SPIDR: variants seen among roughly 807,000 people sequenced by gnomAD.
SPIDR encodes the protein scaffold protein involved in DNA repair.
Under a neutral mutation model 104.6 loss-of-function variants are expected in SPIDR, and 93 were observed. That is an observed-to-expected ratio of 0.89 (90% CI 0.75 to 1.06). The LOEUF (loss-of-function observed/expected upper bound fraction) is 1.06, where lower values mean the gene tolerates loss of function less well. Among genes scored for constraint, SPIDR ranks in the 50% least tolerant of loss-of-function variants. SPIDR has a pLI of 0.00. For missense variants in SPIDR, 1,154 were observed against 1,111.2 expected (o/e 1.04, Z -0.55); for synonymous variants, 431 against 416.9 (o/e 1.03, Z -0.41).
At chr8:47,544,139 G>C (rs1259374593) in intron 8 of SPIDR, among the ~76,000 whole-genome samples, 1 of 151,898 alleles carries the variant, frequency 6.6e-6, no homozygotes, top group Non-Finnish European at 1.5e-5. Flanking sequence ...TTTTTATTTT[G>C]CATGCTAATG....
In SPIDR at chr8:47,417,496, T is replaced by G. The variant is rs1192194016; in HGVS notation, c.877+9535T>G. On this transcript the variant is annotated intron_variant, in intron 7 of 19. Coordinates refer to ENST00000297423, the MANE Select transcript of SPIDR (RefSeq NM_001080394.4). ...GTTGTTTTTTTCTTGTAAATTTGTT[T>G]GAGTTCATTGTAGATTCTGGATATT... is the stretch of plus-strand genomic sequence containing the variant. Among the ~76,000 whole-genome samples the G allele has an allele frequency of 9.8e-5, 15 of 152,350 alleles. No homozygotes were observed. The East Asian group carries it at 2.9e-3, about 29-fold the overall frequency.
At chr8:47,451,023 C>G (rs147674479) in intron 8 of SPIDR, among the ~76,000 whole-genome samples, 82 of 152,182 alleles carry the variant, frequency 5.4e-4, no homozygotes, top group African/African-American at 1.9e-3. Context: ...AACACACAAA[C>G]AGGAAAATAT....
intron 8 of SPIDR, among the ~76,000 whole-genome samples, chr8:47,473,696 C>T (rs2075979727): frequency 6.6e-6 from 1 of 152,102 alleles, no homozygotes; most frequent in Admixed American, 6.6e-5. Flanking sequence ...GGAGTGCAGG[C>T]AAGTATGATT....
chr8:47,496,091 A>G (rs1449479140), intron 8 of SPIDR, among the ~76,000 whole-genome samples: 1 of 152,130 alleles, frequency 6.6e-6, no homozygotes, highest in Non-Finnish European at 1.5e-5. Context: ...TACTCATAAC[A>G]GTTTTTTTAA....
Position 47,573,413 on chromosome 8 carries a change from G to T in SPIDR, c.1098-22398G>T, listed in dbSNP as rs1172600945. Among the ~76,000 whole-genome samples the T allele has an allele frequency of 5.3e-5, 8 of 152,228 alleles. No homozygotes were observed. In the East Asian group the frequency reaches 1.2e-3, roughly 22 times the overall value. ...TCAGTAGTCCTCTGTGATAAGGCAGGAAGGTCAGAGTATATTGAGGGGTCT... is the reference window on the plus strand; with the variant it reads ...TCAGTAGTCCTCTGTGATAAGGCAGTAAGGTCAGAGTATATTGAGGGGTCT... On this transcript the variant is annotated intron_variant, in intron 8 of 19. Transcript: ENST00000297423.
intron 5 of SPIDR, among the ~76,000 whole-genome samples, chr8:47,327,370 A>G (rs1254616926): frequency 1.4e-5 from 2 of 147,788 alleles, no homozygotes; most frequent in Non-Finnish European, 3.0e-5. Flanking sequence ...GTTTTCTCAT[A>G]TTCAGTAGGT....
chr8:47,291,855 G>A lies in SPIDR; in HGVS notation c.361+718G>A, dbSNP rs906864500. Among the ~76,000 whole-genome samples the A allele has an allele frequency of 2.3e-4, 35 of 152,272 alleles. No individual in the cohort carries two copies. In the East Asian group the frequency reaches 5.4e-3, roughly 24 times the overall value. On this transcript the variant is annotated intron_variant, in intron 4 of 19. Coordinates refer to ENST00000297423, the MANE Select transcript of SPIDR (RefSeq NM_001080394.4). ...ACTGACAAATTTCTATTCAGATGGC[G>A]TTTTATATTGTGTCATGTTTTAGAC...
chr8:47,425,030 G>A (rs12546824), intron 7 of SPIDR, among the ~76,000 whole-genome samples: 41 of 152,226 alleles, frequency 2.7e-4, no homozygotes, highest in Non-Finnish European at 4.3e-4. Flanking sequence ...GATCACTTCC[G>A]TTAGCTAATT....
intron 8 of SPIDR, among the ~76,000 whole-genome samples, chr8:47,455,370 G>A (rs28897086): frequency 0.028 from 4,239 of 151,878 alleles, 210 homozygotes; most frequent in African/African-American, 0.095. Flanking sequence ...AACTAATATA[G>A]AGAATGGGAG....
At chr8:47,648,606 A>T (rs968711816) in intron 10 of SPIDR, among the ~76,000 whole-genome samples, 1 of 152,238 alleles carries the variant, frequency 6.6e-6, no homozygotes, top group Non-Finnish European at 1.5e-5. Context: ...CTAGTGCCAG[A>T]TAGTAGCTTC....
intron 8 of SPIDR, among the ~76,000 whole-genome samples, chr8:47,483,442 A>AG (rs1425271459): frequency 6.6e-6 from 1 of 152,166 alleles, no homozygotes; most frequent in African/African-American, 2.4e-5. Context: ...TAAGCCCTGA[A>AG]GAGATACTCC....
At chr8:47,264,990 G>T (rs1420120026) in intron 1 of SPIDR, among the ~76,000 whole-genome samples, 1 of 152,074 alleles carries the variant, frequency 6.6e-6, no homozygotes, top group Non-Finnish European at 1.5e-5. Flanking sequence ...CCCTGGAATT[G>T]CTGTCTTTCA....
chr8:47,284,185 G>C, intron 3 of SPIDR, 91 bp downstream of exon 3: 1 of 1,032,314 alleles, frequency 9.7e-7, no homozygotes. Context: ...TTAAAAAAGT[G>C]ACATGGTTTG....
Position 47,700,478 on chromosome 8 carries a change from G to A in SPIDR, c.1761G>A (p.Gln587=). ...AIPLKTPGRD[Q]PCEEIKTHLP... is the part of the protein sequence containing the mutation. ...CTCTGAAAACACCTGGCCGCGACCA[G>A]CCCTGTGAAGAGGTAAGCCCGGCAC... Residue 587 remains glutamine, a synonymous_variant, in exon 12 of 20, where the codon CAG becomes CAA. Coordinates refer to ENST00000297423, the MANE Select transcript of SPIDR (RefSeq NM_001080394.4). The A allele has an allele frequency of 3.7e-6, 6 of 1,614,212 alleles. No homozygotes were observed. Among genetic ancestry groups the A allele is most frequent in the Non-Finnish European group, 5.1e-6 (6 of 1,180,032 alleles).
At chr8:47,350,375 G>A (rs568286095) in intron 5 of SPIDR, among the ~76,000 whole-genome samples, 45 of 152,216 alleles carry the variant, frequency 3.0e-4, no homozygotes, top group African/African-American at 8.4e-4. Flanking sequence ...GTACAGTGGC[G>A]CAATCTCGGC....
At chr8:47,540,660 A>C (rs999263549) in intron 8 of SPIDR, among the ~76,000 whole-genome samples, 1 of 152,060 alleles carries the variant, frequency 6.6e-6, no homozygotes. Flanking sequence ...AGTACTACTT[A>C]CCACCCTCTG....
chr8:47,677,083 C>T (rs2076539958), intron 11 of SPIDR, among the ~76,000 whole-genome samples: 1 of 152,210 alleles, frequency 6.6e-6, no homozygotes, highest in East Asian at 1.9e-4. Context: ...CACCGCAGAA[C>T]ATGCAGCATG....
chr8:47,648,807 A>C (rs763571794), intron 10 of SPIDR, among the ~76,000 whole-genome samples: 1 of 152,234 alleles, frequency 6.6e-6, no homozygotes, highest in African/African-American at 2.4e-5. Context: ...GGGGCAATTC[A>C]TGCATCAAAA....
At chr8:47,362,409 C>A (rs1319023355) in intron 5 of SPIDR, among the ~76,000 whole-genome samples, 1 of 152,174 alleles carries the variant, frequency 6.6e-6, no homozygotes, top group Non-Finnish European at 1.5e-5. Flanking sequence ...TTGAACACAT[C>A]TCCCCTGGTA....
Sources: gnomAD v4.1 joint callset for allele counts (sites outside exome capture counted in the v4.1 genomes callset) on GRCh38, gnomAD v4.1.1 for gene constraint, MANE v1.5 for transcripts, NCBI Gene and HGNC (gene_info 2026-07-23, HGNC 2026-07-21) for gene names.